The following CHRNA7 variants were observed in gnomAD, a reference collection of about 807,000 sequenced individuals.
CHRNA7 encodes neuronal acetylcholine receptor subunit alpha-7.
Under a neutral mutation model 48.0 loss-of-function variants are expected in CHRNA7, and 17 were observed. The ratio of observed to expected loss-of-function variants is 0.35; its 90% CI spans 0.24 to 0.53. The LOEUF is 0.53. CHRNA7 is among the 20% of genes least tolerant of loss of function. CHRNA7 has a pLI of 0.92. For missense variants in CHRNA7, 155 were observed against 577.7 expected (o/e 0.27, Z 7.50); for synonymous variants, 75 against 242.3 (o/e 0.31, Z 6.41).
In CHRNA7 at chr15:32,076,710, T is replaced by G. The variant is rs2050141120; in HGVS notation, c.196-24593T>G. On this transcript the variant is annotated intron_variant, in intron 2 of 9. Transcript: ENST00000306901. Reference sequence around the variant, plus strand: ...CCTGTGTCACCCCACATGCATAATCTCTCTCATTATTAACATCCCTGACCA... The same window carrying G: ...CCTGTGTCACCCCACATGCATAATCGCTCTCATTATTAACATCCCTGACCA... Among the ~76,000 whole-genome samples the G allele has an allele frequency of 1.3e-5, 2 of 152,142 alleles. 1 individual carries two copies. The highest frequency in any genetic ancestry group is 2.9e-5 in the Non-Finnish European group (2 of 68,012).
chr15:32,103,564 C>T (rs1217482546), intron 3 of CHRNA7, among the ~76,000 whole-genome samples: 7 of 152,256 alleles, frequency 4.6e-5, no homozygotes, highest in East Asian at 1.9e-4. Context: ...GGATTTAAAG[C>T]AGCATACTTC....
intron 4 of CHRNA7, among the ~76,000 whole-genome samples, chr15:32,128,642 GT>G (rs969983534): frequency 1.3e-4 from 20 of 148,300 alleles, no homozygotes; most frequent in East Asian, 3.9e-4. Context: ...AGGTTTAGCA[GT>G]TTTTTTTTTA....
At chr15:32,054,670 C>T (rs1417231708) in intron 2 of CHRNA7, among the ~76,000 whole-genome samples, 2 of 152,198 alleles carry the variant, frequency 1.3e-5, no homozygotes, top group African/African-American at 2.4e-5. Flanking sequence ...AAGCACACAG[C>T]ATGCGTTCTT....
At chr15:32,046,591 C>T (rs1192370711) in intron 2 of CHRNA7, among the ~76,000 whole-genome samples, 2 of 151,814 alleles carry the variant, frequency 1.3e-5, no homozygotes, top group African/African-American at 2.4e-5. Context: ...ATGAGTAGGT[C>T]GCGAAAAGTT....
chr15:32,149,365 C>T lies in CHRNA7; in HGVS notation c.351-4542C>T, dbSNP rs929858311. 6.6e-6 allele frequency among the ~76,000 whole-genome samples: 1 copy of T among 152,114 alleles called. No homozygotes were observed. Among genetic ancestry groups the T allele is most frequent in the Admixed American group, 6.5e-5 (1 of 15,284 alleles). ...TGTTGGCTGGCATCTGTCGGGCATC[C>T]CCGGGGAAGCTGCGCCGGTGCTGTG... On this transcript the variant is annotated intron_variant, in intron 4 of 9. Transcript: ENST00000306901. The surrounding 1 kb of genome is among the most constrained non-coding windows in gnomAD (Gnocchi z 4.6).
At chr15:32,088,478 A>G (rs894911759) in intron 2 of CHRNA7, among the ~76,000 whole-genome samples, 1 of 152,182 alleles carries the variant, frequency 6.6e-6, no homozygotes, top group Non-Finnish European at 1.5e-5. Context: ...GTATGGTAAC[A>G]CTAGGTTTAG....
intron 3 of CHRNA7, among the ~76,000 whole-genome samples, chr15:32,107,468 A>G (rs2050689968): frequency 6.7e-6 from 1 of 149,658 alleles, no homozygotes; most frequent in East Asian, 1.9e-4. Context: ...AATAAAATAT[A>G]TTTATTAAAT....
At chr15:32,098,528 G>A (rs944746618) in intron 2 of CHRNA7, 3 of 152,386 alleles carry the variant, frequency 2.0e-5, no homozygotes, top group African/African-American at 7.2e-5. Flanking sequence ...CCTCTCATCT[G>A]TGGTCACAGG....
At chr15:32,148,988 C>T (rs1253509912) in intron 4 of CHRNA7, among the ~76,000 whole-genome samples, 1 of 152,200 alleles carries the variant, frequency 6.6e-6, no homozygotes, top group Non-Finnish European at 1.5e-5. Context: ...GTTTGAGTTA[C>T]ATTTGCCCCA....
intron 2 of CHRNA7, among the ~76,000 whole-genome samples, chr15:32,055,252 G>C (rs1261633266): frequency 1.3e-5 from 2 of 150,410 alleles, no homozygotes; most frequent in Non-Finnish European, 3.0e-5. Flanking sequence ...TTTTGTGTTG[G>C]TTTGTTTTTT....
rs564082901 is a variant in CHRNA7 at position 32,050,247 on chromosome 15, A to G, written c.195+19210A>G. On this transcript the variant is annotated intron_variant, in intron 2 of 9. Coordinates refer to ENST00000306901, the MANE Select transcript of CHRNA7 (RefSeq NM_000746.6). Reference sequence around the variant, plus strand: ...ATGATATCCTGCAGAGTGTTTTCCAACTTGGTTCCATTCTCCCCGTCATTT... The same window carrying G: ...ATGATATCCTGCAGAGTGTTTTCCAGCTTGGTTCCATTCTCCCCGTCATTT... Among the ~76,000 whole-genome samples the G allele has an allele frequency of 1.4e-4, 22 of 152,320 alleles. No individual in the cohort carries two copies. In the South Asian group the frequency reaches 4.4e-3, roughly 30 times the overall value.
At position 32,149,619 on chromosome 15, in the gene CHRNA7, G is replaced by A. The variant is rs2051578381; in HGVS notation, c.351-4288G>A. 2.0e-5 allele frequency among the ~76,000 whole-genome samples: 3 copies of A among 152,178 alleles called. No homozygotes were observed. The highest frequency in any genetic ancestry group is 4.1e-4 in the South Asian group (2 of 4,824). ...ATAAAATCAATTTGCCTATGGGAAA[G>A]AAGCGTAAAACTACCATCATGGGTA... On this transcript the variant is annotated intron_variant, in intron 4 of 9. Coordinates refer to ENST00000306901, the MANE Select transcript of CHRNA7 (RefSeq NM_000746.6). This position sits in a 1 kb window ranked among gnomAD's most constrained non-coding sequence, Gnocchi z 4.6.
intron 2 of CHRNA7, among the ~76,000 whole-genome samples, chr15:32,070,194 T>C (rs2050031477): frequency 6.6e-6 from 1 of 152,180 alleles, no homozygotes; most frequent in South Asian, 2.1e-4. Flanking sequence ...ATTTCCATCA[T>C]TTGTAATAGG....
Position 32,101,345 on chromosome 15 carries a change from A to T in CHRNA7, c.238A>T (p.Met80Leu). The change falls in exon 3 of 10, where the codon ATG becomes TTG. Residue 80 changes from methionine (M) to leucine (L), a missense_variant and splice_region_variant. Physicochemically the swap from Met to Leu is conservative, Grantham distance 15. Coordinates refer to ENST00000306901, the MANE Select transcript of CHRNA7 (RefSeq NM_000746.6). ...QVLTTNIWLQ[M>L]SWTDHYLQWN... ...TTTAACCACCAACATTTGGCTGCAA[A>T]TGGTAAGTTAAGAGAATGACAATCT... The T allele has an allele frequency of 6.3e-7, 1 of 1,593,592 alleles. No individual in the cohort carries two copies. The highest frequency in any genetic ancestry group is 1.4e-5 in the African/African-American group (1 of 73,280).
At chr15:32,093,545 T>G (rs1228386574) in intron 2 of CHRNA7, among the ~76,000 whole-genome samples, 1 of 152,192 alleles carries the variant, frequency 6.6e-6, no homozygotes, top group African/African-American at 2.4e-5. Flanking sequence ...TTGGTCTGCC[T>G]TGCTCCCTTC....
At chr15:32,032,091 G>T (rs2141156488) in intron 2 of CHRNA7, among the ~76,000 whole-genome samples, 1 of 152,334 alleles carries the variant, frequency 6.6e-6, no homozygotes, top group African/African-American at 2.4e-5. Context: ...TCATGTTGAT[G>T]AATGGTATAT....
chr15:32,135,681 A>G (rs950443868), intron 4 of CHRNA7, among the ~76,000 whole-genome samples: 7 of 152,202 alleles, frequency 4.6e-5, no homozygotes, highest in African/African-American at 1.7e-4. Context: ...CTGAGGATGT[A>G]ATAATATTGA....
chr15:32,140,757 C>T (rs989414410), intron 4 of CHRNA7, among the ~76,000 whole-genome samples: 1 of 152,112 alleles, frequency 6.6e-6, no homozygotes, highest in Non-Finnish European at 1.5e-5. Flanking sequence ...CCTTTGCCCA[C>T]TTTTTGATGG....
intron 2 of CHRNA7, among the ~76,000 whole-genome samples, chr15:32,070,172 A>C (rs2050031224): frequency 6.6e-6 from 1 of 152,192 alleles, no homozygotes; most frequent in South Asian, 2.1e-4. Flanking sequence ...CCATTCCGAC[A>C]ATATAAAGAA....
Sources: allele counts gnomAD v4.1 joint callset (sites outside exome capture counted in the v4.1 genomes callset), GRCh38; gene constraint gnomAD v4.1.1; non-coding constraint Gnocchi (gnomAD v3.1); transcripts MANE v1.5; gene names NCBI Gene and HGNC (gene_info 2026-07-23, HGNC 2026-07-21).